Variants in IGFL2 observed in about 807,000 individuals in gnomAD.
IGFL2 encodes insulin growth factor-like family member 2.
Under a neutral mutation model 13.9 loss-of-function variants are expected in IGFL2, and 7 were observed. The observed-to-expected ratio is 0.51, with a 90% CI of 0.29 to 0.95. IGFL2 has a LOEUF of 0.95. Ranked by LOEUF, IGFL2 falls within the 40% of genes least tolerant of loss-of-function variation. The pLI is 0.08. For synonymous variants in IGFL2, 55 were observed against 55.8 expected, an observed-to-expected ratio of 0.99 and a Z score of 0.07; for missense variants, 138 against 147.8, an observed-to-expected ratio of 0.93 and a Z score of 0.34.
the IGFL2 span, among the ~76,000 whole-genome samples, chr19:46,199,644 A>T: frequency 1.3e-5 from 2 of 152,168 alleles, no homozygotes; most frequent in Admixed American, 6.5e-5. Flanking sequence ...CAGGCCAAGG[A>T]GGGTCAGCTA....
At position 46,150,129 on chromosome 19, in the gene IGFL2, A is replaced by G. The variant is rs537961251; in HGVS notation, c.19+1832A>G. ...AATTTGCGTTTCCTTGGTAAATAAC[A>G]ATGCTGAGTGTCTTTTCCATGTGCT... On this transcript the variant is annotated intron_variant, in intron 1 of 3. Transcript: ENST00000377693. Among the ~76,000 whole-genome samples, 127 of 152,330 alleles carry G rather than the reference A, an allele frequency of 8.3e-4. 2 individuals are homozygous for G. In the Middle Eastern group the frequency reaches 0.017, roughly 20 times the overall value.
chr19:46,146,612 T>C (rs1973150145), upstream of IGFL2, among the ~76,000 whole-genome samples: 1 of 152,172 alleles, frequency 6.6e-6, no homozygotes. Context: ...GTATTTAAGG[T>C]TTCCTTGAAT....
chr19:46,150,122 A>G (rs999261817), intron 1 of IGFL2, among the ~76,000 whole-genome samples: 1 of 152,198 alleles, frequency 6.6e-6, no homozygotes, highest in Non-Finnish European at 1.5e-5. Context: ...TTTCCTTGGT[A>G]AATAACAATG....
chr19:46,098,011 T>G, the IGFL2 span, among the ~76,000 whole-genome samples: 1 of 152,246 alleles, frequency 6.6e-6, no homozygotes, highest in Non-Finnish European at 1.5e-5. Flanking sequence ...TGTAGATATC[T>G]ATCAGGTCCA....
the IGFL2 span, among the ~76,000 whole-genome samples, chr19:46,089,271 ACTGCT>A: frequency 1.3e-5 from 2 of 152,192 alleles, no homozygotes; most frequent in African/African-American, 4.8e-5. Context: ...CTACACTTTT[ACTGCT>A]CTGCACCTTG....
chr19:46,083,585 A>G, the IGFL2 span, among the ~76,000 whole-genome samples: 1 of 152,184 alleles, frequency 6.6e-6, no homozygotes, highest in South Asian at 2.1e-4. Flanking sequence ...CATACACAAC[A>G]TTTTTCAAGA....
chr19:46,083,846 C>T, the IGFL2 span, among the ~76,000 whole-genome samples: 2 of 152,120 alleles, frequency 1.3e-5, no homozygotes, highest in African/African-American at 4.8e-5. Context: ...GGAACAAAGT[C>T]CTCTGATCCT....
At chr19:46,090,195 T>G in the IGFL2 span, among the ~76,000 whole-genome samples, 1 of 152,214 alleles carries the variant, frequency 6.6e-6, no homozygotes, top group Non-Finnish European at 1.5e-5. Flanking sequence ...GATTTCTGTT[T>G]GAGTTTTTTA....
chr19:46,089,044 C>A, the IGFL2 span, among the ~76,000 whole-genome samples: 1 of 152,052 alleles, frequency 6.6e-6, no homozygotes, highest in Non-Finnish European at 1.5e-5. Context: ...TTTTATAGAT[C>A]CTTTGTTTCT....
chr19:46,151,083 C>T (rs1973459412), intron 1 of IGFL2, among the ~76,000 whole-genome samples: 2 of 152,226 alleles, frequency 1.3e-5, no homozygotes, highest in Non-Finnish European at 2.9e-5. Flanking sequence ...CCCATCTGCC[C>T]ACACCAATCC....
intron 1 of IGFL2, among the ~76,000 whole-genome samples, chr19:46,151,698 TC>T (rs1218364032): frequency 6.6e-6 from 1 of 152,198 alleles, no homozygotes; most frequent in African/African-American, 2.4e-5. Context: ...TGGCTTGATC[TC>T]AGGCGTTAAG....
the IGFL2 span, among the ~76,000 whole-genome samples, chr19:46,098,645 A>T: frequency 6.6e-6 from 1 of 151,798 alleles, no homozygotes. Flanking sequence ...TGCCTGGCTA[A>T]TTTTTGTATT....
chr19:46,104,371 GA>G, the IGFL2 span, among the ~76,000 whole-genome samples: 1 of 152,178 alleles, frequency 6.6e-6, no homozygotes, highest in Admixed American at 6.5e-5. Context: ...TACCTTTCCT[GA>G]AGATTGAGGA....
chr19:46,087,810 T>A, the IGFL2 span, among the ~76,000 whole-genome samples: 13 of 152,126 alleles, frequency 8.5e-5, no homozygotes. Flanking sequence ...GGGTGGGGAA[T>A]GTCAGTTGGG....
At chr19:46,134,152 T>C in the IGFL2 span, among the ~76,000 whole-genome samples, 1 of 152,310 alleles carries the variant, frequency 6.6e-6, no homozygotes, top group African/African-American at 2.4e-5. Flanking sequence ...GCAGCAAGGC[T>C]GTGAATCAGT....
At position 46,160,594 on chromosome 19, in the gene IGFL2, ATGTC is replaced by A; in HGVS notation, c.74-15_74-12del. On this transcript the variant is annotated splice_polypyrimidine_tract_variant and intron_variant, in intron 2 of 3. Transcript: ENST00000377693. ...GGTTATCCTTGAGCTCACACCAACA[ATGTC>A]TGTCCATCTGTCCAGCTCCCGCTGG... 6.2e-7 allele frequency: 1 copy of A among 1,613,766 alleles called. No homozygotes were observed. Among genetic ancestry groups the A allele is most frequent in the South Asian group, 1.1e-5 (1 of 91,072 alleles).
At chr19:46,125,329 A>T in the IGFL2 span, among the ~76,000 whole-genome samples, 1 of 152,200 alleles carries the variant, frequency 6.6e-6, no homozygotes, top group Non-Finnish European at 1.5e-5. Flanking sequence ...CAGGGAAAGT[A>T]CTAAACACCT....
At chr19:46,080,483 G>A in the IGFL2 span, among the ~76,000 whole-genome samples, 1 of 152,196 alleles carries the variant, frequency 6.6e-6, no homozygotes, top group Non-Finnish European at 1.5e-5. Context: ...GCTTGTTCAT[G>A]GGAATGATTC....
At chr19:46,198,709 ATCAGCCCCT>A in the IGFL2 span, among the ~76,000 whole-genome samples, 4 of 152,100 alleles carry the variant, frequency 2.6e-5, no homozygotes, top group Non-Finnish European at 4.4e-5. Flanking sequence ...GGAGAGAGAG[ATCAGCCCCT>A]TCAATTCTGA....
Sources: gnomAD v4.1 joint callset for allele counts (sites outside exome capture counted in the v4.1 genomes callset) on GRCh38, gnomAD v4.1.1 for gene constraint, MANE v1.5 for transcripts, NCBI Gene and HGNC (gene_info 2026-07-23, HGNC 2026-07-21) for gene names.